HDDC2: variants seen among roughly 807,000 people sequenced by gnomAD.
HDDC2 encodes the protein HD domain containing 2, also known as 5'-deoxynucleotidase HDDC2.
HDDC2 carries 25 observed loss-of-function variants against 25.5 expected under a neutral mutation model. The observed-to-expected ratio is 0.98, with a 90% CI of 0.72 to 1.37. HDDC2 has a LOEUF of 1.37. HDDC2 is among the 40% of genes most tolerant of loss of function. HDDC2 has a pLI of 0.00. For synonymous variants in HDDC2, 106 were observed against 89.7 expected (o/e 1.18, Z -1.03); for missense variants, 264 against 253.1 (o/e 1.04, Z -0.29).
At chr6:125,279,032 A>G (rs1412919292) in intron 4 of HDDC2, 1 of 152,200 alleles carries the variant, frequency 6.6e-6, no homozygotes, top group Non-Finnish European at 1.5e-5. Context: ...TCAAGTCCAA[A>G]TATGTGCAAG....
At chr6:125,299,159 G>A (rs867997596) in intron 2 of HDDC2, among the ~76,000 whole-genome samples, 18 of 152,108 alleles carry the variant, frequency 1.2e-4, no homozygotes, top group African/African-American at 3.4e-4. Flanking sequence ...CCGAGGTGGC[G>A]GATCACCTGA....
At chr6:125,301,251 T>C (rs115159707) in intron 1 of HDDC2, among the ~76,000 whole-genome samples, 353 of 152,244 alleles carry the variant, frequency 2.3e-3, no homozygotes, top group African/African-American at 8.1e-3. Context: ...TACTTTGAAC[T>C]TGGGAGAGAG....
At chr6:125,297,229 A>G (rs1356063185) in intron 3 of HDDC2, among the ~76,000 whole-genome samples, 1 of 152,182 alleles carries the variant, frequency 6.6e-6, no homozygotes, top group African/African-American at 2.4e-5. Context: ...GCAACTAAGA[A>G]TCTCGAACTA....
chr6:125,292,483 G>T (rs922392714), intron 4 of HDDC2, among the ~76,000 whole-genome samples: 8 of 152,094 alleles, frequency 5.3e-5, no homozygotes, highest in African/African-American at 1.9e-4. Context: ...GAAACGTGCC[G>T]AGGTCACAGA....
chr6:125,299,458 T>C (rs1449920489), intron 2 of HDDC2, among the ~76,000 whole-genome samples: 1 of 152,210 alleles, frequency 6.6e-6, no homozygotes, highest in African/African-American at 2.4e-5. Context: ...TGGTTATGAT[T>C]ATTAGCGGTT....
chr6:125,297,459 C>CT (rs1164845061), intron 3 of HDDC2: 3 of 398,048 alleles, frequency 7.5e-6, no homozygotes, highest in Non-Finnish European at 1.3e-5. Context: ...AACTGGGACT[C>CT]TCGTTCCTTG....
intron 3 of HDDC2, among the ~76,000 whole-genome samples, chr6:125,294,667 T>C (rs1798680949): frequency 6.6e-6 from 1 of 152,176 alleles, no homozygotes; most frequent in Non-Finnish European, 1.5e-5. Context: ...AATGCAAACA[T>C]GAAAGTCCTG....
rs1277002336 is a variant in HDDC2 at position 125,278,427 on chromosome 6, TAA to T, written c.379-1189_379-1188del. On this transcript the variant is annotated intron_variant, in intron 4 of 5. Transcript: ENST00000398153. ...TTCTGTTGAAAGTGAGAAAAATATTTAAAGACCATTAGGAAATACAATACATC... is the reference window on the plus strand; with the variant it reads ...TTCTGTTGAAAGTGAGAAAAATATTTAGACCATTAGGAAATACAATACATC... 3 of 152,330 alleles carry T rather than the reference TAA, an allele frequency of 2.0e-5. No homozygotes were observed. The East Asian group carries it at 5.8e-4, about 29-fold the overall frequency. 9.4% of individuals were successfully genotyped at this position (152,330 alleles called of 1,614,324 possible). A position where few individuals can be genotyped will look rare whatever the true frequency, so the allele number is the denominator to read the frequency against.
chr6:125,298,693 CAGTCAAT>C lies in HDDC2; in HGVS notation c.309+14_309+20del. On this transcript the variant is annotated intron_variant, in intron 3 of 5. Coordinates refer to ENST00000398153, the MANE Select transcript of HDDC2 (RefSeq NM_016063.3). The stretch of plus-strand genomic sequence containing the variant: ...GAGGTTTTTCTGGTGGTTTTTTGCA[CAGTCAAT>C]AGTCAACACTGACCTCTTCTCGCCT... 1.3e-6 allele frequency: 2 copies of C among 1,585,090 alleles called. No individual in the cohort carries two copies. The highest frequency in any genetic ancestry group is 1.7e-6 in the Non-Finnish European group (2 of 1,153,648).
At chr6:125,301,746 G>T in intron 1 of HDDC2, 103 bp downstream of exon 1, 2 of 790,682 alleles carry the variant, frequency 2.5e-6, no homozygotes, top group Non-Finnish European at 3.8e-6. Flanking sequence ...CGGACGCGGC[G>T]CAGGAAGGGC....
chr6:125,292,195 A>G (rs928234002), intron 4 of HDDC2, among the ~76,000 whole-genome samples: 2 of 152,158 alleles, frequency 1.3e-5, no homozygotes, highest in Non-Finnish European at 2.9e-5. Context: ...TGGAAGAGAG[A>G]AACTGTAATT....
At chr6:125,301,385 A>T (rs974882511) in intron 1 of HDDC2, among the ~76,000 whole-genome samples, 5 of 151,796 alleles carry the variant, frequency 3.3e-5, no homozygotes, top group Non-Finnish European at 1.5e-5. Context: ...TCCACTTAAA[A>T]TCTGAGGAGC....
rs954539679 is a variant in HDDC2 at position 125,275,501 on chromosome 6, G to A, written c.*645C>T. On this transcript the variant is annotated 3_prime_UTR_variant, in exon 6 of 6. Coordinates refer to ENST00000398153, the MANE Select transcript of HDDC2 (RefSeq NM_016063.3). Reference sequence around the variant, plus strand: ...GGTCTCAAGATTTATAAGTCAGACAGGGAAAAATATACAAAGGAATACAAG... The same window carrying A: ...GGTCTCAAGATTTATAAGTCAGACAAGGAAAAATATACAAAGGAATACAAG... The A allele has an allele frequency of 1.3e-5, 2 of 152,188 alleles. No homozygotes were observed. Among genetic ancestry groups the A allele is most frequent in the Non-Finnish European group, 2.9e-5 (2 of 68,046 alleles). The allele number at this position is 152,188 out of a possible 1,614,324, so 9.4% of individuals were successfully genotyped here. A position where few individuals can be genotyped will look rare whatever the true frequency, so the allele number is the denominator to read the frequency against.
At chr6:125,301,701 C>G in intron 1 of HDDC2, 148 bp downstream of exon 1, 1 of 577,216 alleles carries the variant, frequency 1.7e-6, no homozygotes, top group South Asian at 2.3e-5. Flanking sequence ...GCGGCCGCAT[C>G]CGCAGGACTG....
Position 125,277,210 on chromosome 6 carries a change from T to G in HDDC2, c.409A>C (p.Lys137Gln). Residue 137 changes from lysine (K) to glutamine (Q), a missense_variant, in exon 5 of 6, where the codon AAA becomes CAA. Physicochemically the swap from Lys to Gln is moderately conservative, Grantham distance 53. Coordinates refer to ENST00000398153, the MANE Select transcript of HDDC2 (RefSeq NM_016063.3). ...EYETQSSAEAKFVKQLDQCEM... is the reference protein window; with the variant it reads ...EYETQSSAEAQFVKQLDQCEM... ...CATTGGTCTAGCTGCTTCACAAATT[T>G]GGCTTCTGCACTAGATTGGGTCTCG... 6.2e-7 allele frequency: 1 copy of G among 1,614,118 alleles called. No individual in the cohort carries two copies.
chr6:125,289,478 T>C (rs1182541722), intron 4 of HDDC2, among the ~76,000 whole-genome samples: 1 of 85,168 alleles, frequency 1.2e-5, no homozygotes, highest in East Asian at 2.8e-4. Context: ...ACTTAGAGTA[T>C]AATAAAAAAA....
At chr6:125,277,289 G>C (rs1321204389) in intron 4 of HDDC2, 49 bp from the exon 5 acceptor site, 4 of 1,580,808 alleles carry the variant, frequency 2.5e-6, no homozygotes, top group Non-Finnish European at 2.6e-6. Context: ...GCATAATAGG[G>C]TATCCTGGGA....
At chr6:125,284,089 A>T (rs1339776873) in intron 4 of HDDC2, among the ~76,000 whole-genome samples, 1 of 151,458 alleles carries the variant, frequency 6.6e-6, no homozygotes, top group East Asian at 1.9e-4. Context: ...TATTTAATAA[A>T]TGGGAAAACT....
intron 4 of HDDC2, chr6:125,278,929 A>C (rs1028087399): frequency 6.6e-6 from 1 of 152,248 alleles, no homozygotes; most frequent in Non-Finnish European, 1.5e-5. Context: ...GGTTCATGAT[A>C]AAATAGTGAG....
Sources: allele counts gnomAD v4.1 joint callset (sites outside exome capture counted in the v4.1 genomes callset), GRCh38; gene constraint gnomAD v4.1.1; transcripts MANE v1.5; gene names NCBI Gene and HGNC (gene_info 2026-07-23, HGNC 2026-07-21).